IST1: variants seen among roughly 807,000 people sequenced by gnomAD.
IST1 encodes the protein IST1 factor associated with ESCRT-III.
Under a neutral mutation model 37.0 loss-of-function variants are expected in IST1, and 23 were observed. The ratio of observed to expected loss-of-function variants is 0.62; its 90% CI spans 0.45 to 0.88. The LOEUF (loss-of-function observed/expected upper bound fraction) is 0.88. IST1 is among the 40% of genes least tolerant of loss of function. IST1 has a pLI of 0.00. For synonymous variants in IST1, 180 were observed against 161.7 expected (o/e 1.11, Z -0.86); for missense variants, 488 against 445.4 (o/e 1.10, Z -0.86).
chr16:71,922,876 C>G, intron 7 of IST1, 196 bp downstream of exon 7: 1 of 609,328 alleles, frequency 1.6e-6, no homozygotes, highest in Non-Finnish European at 2.9e-6. Flanking sequence ...GTAGGAAAAT[C>G]TATAGAGTTG....
In IST1 at chr16:71,923,371, G is replaced by A. The variant is rs370771637; in HGVS notation, c.843G>A (p.Ser281=). The change falls in exon 8 of 10, where the codon TCG becomes TCA. Residue 281 remains serine, a synonymous_variant. Transcript: ENST00000378799. ...HPPQIPATPP[S]YESVDDINAD... ...CTCAGATACCAGCAACTCCCCCATC[G>A]TATGAATCTGTAAGTGCCTGAGCCT... is the stretch of plus-strand genomic sequence containing the variant. 8.0e-5 allele frequency: 128 copies of A among 1,599,478 alleles called. 1 individual carries two copies. The highest frequency in any genetic ancestry group is 1.7e-4 in the Middle Eastern group (1 of 6,044).
intron 7 of IST1, 185 bp downstream of exon 7, chr16:71,922,865 T>C: frequency 1.6e-6 from 1 of 616,306 alleles, no homozygotes; most frequent in South Asian, 2.0e-5. Flanking sequence ...CTAGTTCAGC[T>C]GTAGGAAAAT....
chr16:71,921,059 G>A, intron 5 of IST1: 1 of 609,238 alleles, frequency 1.6e-6, no homozygotes, highest in Non-Finnish European at 3.0e-6. Flanking sequence ...CGTGTCATTT[G>A]TGAAGGTTGG....
In IST1 at chr16:71,906,193, C is replaced by T. The variant is rs142303974; in HGVS notation, c.-15-9433C>T. Among the ~76,000 whole-genome samples, 1,246 of 151,042 alleles carry T rather than the reference C, an allele frequency of 8.2e-3. 18 individuals carry two copies. The highest frequency in any genetic ancestry group is 0.029 in the African/African-American group (1,172 of 41,100). On this transcript the variant is annotated intron_variant, in intron 1 of 9. Transcript: ENST00000378799. Reference sequence around the variant, plus strand: ...TGATTTTTTGTGTTTTTAGTAGAGACGGGGTTTCGCTGTGTTAGCCAGGAT... The same window carrying T: ...TGATTTTTTGTGTTTTTAGTAGAGATGGGGTTTCGCTGTGTTAGCCAGGAT...
intron 9 of IST1, among the ~76,000 whole-genome samples, chr16:71,925,816 T>C (rs908575323): frequency 2.6e-5 from 4 of 152,044 alleles, no homozygotes; most frequent in Non-Finnish European, 5.9e-5. Flanking sequence ...CCATCTGAGC[T>C]TGGTGGTATG....
rs1489924213 is a variant in IST1, at chr16:71,930,206, T to TG, written c.*2394dup. The TG allele has an allele frequency of 6.6e-7, 1 of 1,524,824 alleles. No homozygotes were observed. Among genetic ancestry groups the TG allele is most frequent in the Admixed American group, 2.3e-5 (1 of 44,382 alleles). 94.5% of individuals were successfully genotyped at this position (1,524,824 alleles called of 1,614,324 possible). A position where few individuals can be genotyped will look rare whatever the true frequency, so the allele number is the denominator to read the frequency against. On this transcript the variant is annotated 3_prime_UTR_variant, in exon 10 of 10. Transcript: ENST00000378799. Reference sequence around the variant, plus strand: ...AACCTGGGAAAACAATAAGAACACTTGCAGTGACTGACAATTTAGTTTATA... The same window carrying TG: ...AACCTGGGAAAACAATAAGAACACTTGGCAGTGACTGACAATTTAGTTTATA...
At chr16:71,925,077 A>C (rs1480073318) in intron 9 of IST1, among the ~76,000 whole-genome samples, 5 of 131,192 alleles carry the variant, frequency 3.8e-5, no homozygotes, top group Non-Finnish European at 7.7e-5. Context: ...CAGTGTTGTG[A>C]TCTTGGCTCA....
At chr16:71,921,478 A>G in intron 6 of IST1, 25 bp downstream of exon 6, 1 of 1,426,834 alleles carries the variant, frequency 7.0e-7, no homozygotes. Flanking sequence ...GAATACAAAG[A>G]AAAATGAGTT....
rs753786562 is a variant in IST1 at position 71,923,326 on chromosome 16, C to T, written c.798C>T (p.Ala266=). The T allele has an allele frequency of 1.9e-6, 3 of 1,612,656 alleles. No individual in the cohort carries two copies. The highest frequency in any genetic ancestry group is 2.2e-5 in the South Asian group (2 of 91,008). Residue 266 remains alanine, a synonymous_variant, in exon 8 of 10, where the codon GCC becomes GCT. Coordinates refer to ENST00000378799, the MANE Select transcript of IST1 (RefSeq NM_001270975.2). ...FNGLPMGTYQ[A]FPNIHPPQIP... ...GACTGCCAATGGGGACTTATCAGGCCTTTCCCAATATTCATCCACCTCAGA... is the reference window on the plus strand; with the variant it reads ...GACTGCCAATGGGGACTTATCAGGCTTTTCCCAATATTCATCCACCTCAGA...
intron 1 of IST1, among the ~76,000 whole-genome samples, chr16:71,907,469 G>A (rs996390548): frequency 8.6e-5 from 13 of 151,980 alleles, no homozygotes; most frequent in African/African-American, 3.1e-4. Context: ...AGTAGAGACG[G>A]GGTTTCACTG....
intron 7 of IST1, chr16:71,923,004 CT>C: frequency 2.1e-6 from 1 of 478,142 alleles, no homozygotes; most frequent in Non-Finnish European, 3.7e-6. Flanking sequence ...GCAGAACAAC[CT>C]TTGTAGATAA....
In IST1 at chr16:71,921,437, C is replaced by T. The variant is rs769473902; in HGVS notation, c.536C>T (p.Pro179Leu). ...IAKNYNVPYE[P>L]DSVVMAEAPP... is the part of the protein sequence containing the mutation. ...AAGAATTACAACGTACCCTATGAAC[C>T]TGACTCTGTGGTCATGGTAAGTTTA... Residue 179 changes from proline (P) to leucine (L), a missense_variant, in exon 6 of 10, where the codon CCT (proline) becomes CTT (leucine). Pro to Leu is a moderately conservative substitution (Grantham distance 98). Around this residue, in one of 2 missense-constraint regions of IST1, gnomAD observed 455 missense variants for 386.2 expected, o/e 1.18. Coordinates refer to ENST00000378799, the MANE Select transcript of IST1 (RefSeq NM_001270975.2). 5 of 1,605,406 alleles carry T rather than the reference C, an allele frequency of 3.1e-6. No individual in the cohort carries two copies. The highest frequency in any genetic ancestry group is 4.5e-5 in the East Asian group (2 of 44,852).
chr16:71,904,048 A>G (rs892482734), intron 1 of IST1, among the ~76,000 whole-genome samples: 1 of 151,950 alleles, frequency 6.6e-6, no homozygotes, highest in African/African-American at 2.4e-5. Flanking sequence ...GTCCTTCTGT[A>G]TCCCTGGTTT....
At position 71,929,748 on chromosome 16, in the gene IST1, T is replaced by G; in HGVS notation, c.*1935T>G. 7.3e-7 allele frequency: 1 copy of G among 1,362,144 alleles called. No homozygotes were observed. Among genetic ancestry groups the G allele is most frequent in the Non-Finnish European group, 9.9e-7 (1 of 1,010,330 alleles). 84.4% of individuals were successfully genotyped at this position (1,362,144 alleles called of 1,614,324 possible). A position where few individuals can be genotyped will look rare whatever the true frequency, so the allele number is the denominator to read the frequency against. On this transcript the variant is annotated 3_prime_UTR_variant, in exon 10 of 10. Coordinates refer to ENST00000378799, the MANE Select transcript of IST1 (RefSeq NM_001270975.2). ...ACTGCTAATAGTGGAGTAAAAAAAGTACCAAAGATTTTTAAAAAATTAGTA... is the reference window on the plus strand; with the variant it reads ...ACTGCTAATAGTGGAGTAAAAAAAGGACCAAAGATTTTTAAAAAATTAGTA...
intron 9 of IST1, among the ~76,000 whole-genome samples, chr16:71,926,858 T>C (rs2037756781): frequency 6.6e-6 from 1 of 152,086 alleles, no homozygotes; most frequent in African/African-American, 2.4e-5. Flanking sequence ...GATCTTAATA[T>C]AAAATACTAG....
intron 1 of IST1, among the ~76,000 whole-genome samples, chr16:71,907,991 C>G (rs1393260461): frequency 1.3e-5 from 2 of 152,126 alleles, no homozygotes; most frequent in Non-Finnish European, 2.9e-5. Flanking sequence ...TGTTGCCCAG[C>G]TGGAGTGCAG....
At chr16:71,906,494 TC>T (rs1485959815) in intron 1 of IST1, among the ~76,000 whole-genome samples, 1 of 151,730 alleles carries the variant, frequency 6.6e-6, no homozygotes, top group African/African-American at 2.4e-5. Flanking sequence ...TTTTTTTTTT[TC>T]GTAGAGACGG....
chr16:71,907,769 C>T (rs371907252), intron 1 of IST1, among the ~76,000 whole-genome samples: 5 of 152,118 alleles, frequency 3.3e-5, no homozygotes, highest in African/African-American at 1.2e-4. Context: ...GTGTTTAGTC[C>T]ATACAGTTTC....
rs569028068 is a variant in IST1 at position 71,916,501 on chromosome 16, A to G, written c.128A>G (p.Tyr43Cys). The change falls in exon 3 of 10, where the codon TAT (tyrosine) becomes TGT (cysteine). Residue 43 changes from tyrosine to cysteine, a missense_variant. Tyr to Cys is a radical substitution (Grantham distance 194). Around this residue, in one of 2 missense-constraint regions of IST1, gnomAD observed 33 missense variants for 59.3 expected, o/e 0.56. Coordinates refer to ENST00000378799, the MANE Select transcript of IST1 (RefSeq NM_001270975.2). ...AAAGCAAGGAAGGAGATTGCTGACTATCTGGCTGCTGGGAAAGATGAACGA... is the reference window on the plus strand; with the variant it reads ...AAAGCAAGGAAGGAGATTGCTGACTGTCTGGCTGCTGGGAAAGATGAACGA... ...AQKARKEIADYLAAGKDERAR... is the reference protein window; with the variant it reads ...AQKARKEIADCLAAGKDERAR... The G allele has an allele frequency of 4.8e-5, 77 of 1,613,138 alleles. 2 individuals carry two copies. In the South Asian group the frequency reaches 5.4e-4, roughly 11 times the overall value.
Sources: gnomAD v4.1 joint callset for allele counts (sites outside exome capture counted in the v4.1 genomes callset) on GRCh38, gnomAD v4.1.1 for gene constraint, gnomAD v4.1.1 regional missense constraint, MANE v1.5 for transcripts, NCBI Gene and HGNC (gene_info 2026-07-23, HGNC 2026-07-21) for gene names.